GBE1: variants seen among roughly 807,000 people sequenced by gnomAD.
The protein encoded by GBE1 is 1,4-alpha-glucan branching enzyme 1.
GBE1 carries 70 observed loss-of-function variants against 88.8 expected under a neutral mutation model. The ratio of observed to expected loss-of-function variants is 0.79; its 90% CI spans 0.65 to 0.96. The LOEUF is 0.96. Ranked by LOEUF, GBE1 falls within the 40% of genes least tolerant of loss-of-function variation. The pLI, the probability that GBE1 is intolerant of heterozygous loss-of-function variation, is 0.00. For synonymous variants in GBE1, 284 were observed against 300.1 expected, an observed-to-expected ratio of 0.95 and a Z score of 0.56; for missense variants, 872 against 871.0, an observed-to-expected ratio of 1.00 and a Z score of -0.01.
chr3:81,492,121 G>A (rs1197293881), intron 15 of GBE1, among the ~76,000 whole-genome samples: 2 of 152,176 alleles, frequency 1.3e-5, no homozygotes, highest in Non-Finnish European at 2.9e-5. Context: ...CTCATGTTCT[G>A]TTTTGCAATA....
At chr3:81,543,443 T>C (rs1439963195) in intron 12 of GBE1, among the ~76,000 whole-genome samples, 1 of 151,976 alleles carries the variant, frequency 6.6e-6, no homozygotes, top group African/African-American at 2.4e-5. Context: ...AACACAAGCA[T>C]AAAATAAATG....
At chr3:81,669,605 T>C (rs1705160441) in intron 3 of GBE1, among the ~76,000 whole-genome samples, 1 of 151,602 alleles carries the variant, frequency 6.6e-6, no homozygotes, top group South Asian at 2.1e-4. Context: ...TTCAAAGAAT[T>C]GAGAGTATAC....
chr3:81,742,146 A>T (rs1341575399), intron 1 of GBE1, among the ~76,000 whole-genome samples: 3 of 152,012 alleles, frequency 2.0e-5, no homozygotes, highest in African/African-American at 7.2e-5. Context: ...GCCTCTACTT[A>T]AAATGCTATC....
At chr3:81,549,481 C>A (rs1703246746) in intron 12 of GBE1, among the ~76,000 whole-genome samples, 1 of 151,424 alleles carries the variant, frequency 6.6e-6, no homozygotes, top group Non-Finnish European at 1.5e-5. Flanking sequence ...ACTTTAAAGC[C>A]AATAAAAGCC....
intron 14 of GBE1, among the ~76,000 whole-genome samples, chr3:81,518,017 G>A (rs974730216): frequency 2.6e-5 from 4 of 151,208 alleles, no homozygotes; most frequent in African/African-American, 7.3e-5. Flanking sequence ...CATCCATCTC[G>A]AAGTTTACAA....
rs551297464 is a variant in GBE1, at chr3:81,600,730, A to T, written c.993-6707T>A. The stretch of plus-strand genomic sequence containing the variant: ...TACTATAATGTATATAAAGATGCAG[A>T]TATTTAGGATAATACTACAGAAGTT... On this transcript the variant is annotated intron_variant, in intron 7 of 15. Transcript: ENST00000429644. 2.0e-5 allele frequency among the ~76,000 whole-genome samples: 3 copies of T among 152,304 alleles called. No individual in the cohort carries two copies. The Middle Eastern group carries it at 0.01, about 518-fold the overall frequency.
chr3:81,729,139 C>CAAAATGGAATTCCACTAT (rs1483262284), intron 1 of GBE1, among the ~76,000 whole-genome samples: 20 of 152,222 alleles, frequency 1.3e-4, no homozygotes, highest in African/African-American at 4.8e-4. Context: ...AATGAACTTG[C>CAAAATGGAATTCCACTAT]AAAATGGAAT....
chr3:81,620,369 A>G (rs2107011638), intron 7 of GBE1, among the ~76,000 whole-genome samples: 1 of 151,978 alleles, frequency 6.6e-6, no homozygotes, highest in South Asian at 2.1e-4. Context: ...TTTTTAGTAG[A>G]GATGGGGTTT....
intron 14 of GBE1, among the ~76,000 whole-genome samples, chr3:81,507,574 A>G (rs898132191): frequency 1.9e-4 from 27 of 138,692 alleles, no homozygotes; most frequent in Non-Finnish European, 6.3e-5. Context: ...AAAAACAAAC[A>G]AACAAAAAAA....
At chr3:81,672,964 T>A (rs1414548378) in intron 2 of GBE1, among the ~76,000 whole-genome samples, 1 of 151,838 alleles carries the variant, frequency 6.6e-6, no homozygotes, top group African/African-American at 2.4e-5. Context: ...TAAATAAAGG[T>A]TCTTCTAAAC....
At chr3:81,725,338 T>C (rs557570635) in intron 1 of GBE1, among the ~76,000 whole-genome samples, 33 of 152,266 alleles carry the variant, frequency 2.2e-4, no homozygotes, top group African/African-American at 3.6e-4. Context: ...TCTTTCCTTA[T>C]ATCTTTTGGC....
intron 14 of GBE1, among the ~76,000 whole-genome samples, chr3:81,523,802 C>T (rs563157408): frequency 6.6e-6 from 1 of 151,722 alleles, no homozygotes; most frequent in Non-Finnish European, 1.5e-5. Context: ...CCTCCAGTTC[C>T]ATCCATATTG....
chr3:81,696,614 T>C (rs141660264), intron 2 of GBE1, among the ~76,000 whole-genome samples: 252 of 152,230 alleles, frequency 1.7e-3, no homozygotes, highest in African/African-American at 5.8e-3. Flanking sequence ...TGTAAGTAAA[T>C]GGCGAGCTTA....
At chr3:81,748,569 C>T (rs1167897919) in intron 1 of GBE1, among the ~76,000 whole-genome samples, 1 of 152,122 alleles carries the variant, frequency 6.6e-6, no homozygotes, top group East Asian at 1.9e-4. Context: ...CGAGACCGCG[C>T]CACTGCACTC....
intron 2 of GBE1, among the ~76,000 whole-genome samples, chr3:81,703,540 T>C (rs1030343930): frequency 6.6e-6 from 1 of 152,048 alleles, no homozygotes; most frequent in African/African-American, 2.4e-5. Flanking sequence ...TTTTATTTTA[T>C]CTTAAGTTAT....
intron 1 of GBE1, among the ~76,000 whole-genome samples, chr3:81,743,000 C>T (rs1706371620): frequency 6.6e-6 from 1 of 152,076 alleles, no homozygotes. Context: ...GACCAGACCC[C>T]TAGTCAATAC....
rs1706504240 is a variant in GBE1 at position 81,750,619 on chromosome 3, A to ATATATATATGTG, written c.143+10755_143+10756insCACATATATATA. Reference sequence around the variant, plus strand: ...TATATATGTGTATATATATATATGTATATATATATACGTATATATATATAT... The same window carrying ATATATATATGTG: ...TATATATGTGTATATATATATATGTATATATATATGTGTATATATATACGTATATATATATAT... On this transcript the variant is annotated intron_variant, in intron 1 of 15. Transcript: ENST00000429644. 9.0e-5 allele frequency among the ~76,000 whole-genome samples: 6 copies of ATATATATATGTG among 66,464 alleles called. 1 individual carries two copies. Among genetic ancestry groups the ATATATATATGTG allele is most frequent in the South Asian group, 7.8e-4 (2 of 2,572 alleles). 43.6% of individuals were successfully genotyped at this position (66,464 alleles called of 152,430 possible). A position where few individuals can be genotyped will look rare whatever the true frequency, so the allele number is the denominator to read the frequency against.
chr3:81,684,239 C>T (rs578078479), intron 2 of GBE1, among the ~76,000 whole-genome samples: 2 of 152,296 alleles, frequency 1.3e-5, no homozygotes, highest in Admixed American at 6.5e-5. Context: ...TGCTCTTACC[C>T]TCTATGACAC....
At chr3:81,730,957 A>C (rs540098665) in intron 1 of GBE1, among the ~76,000 whole-genome samples, 1 of 152,260 alleles carries the variant, frequency 6.6e-6, no homozygotes, top group Non-Finnish European at 1.5e-5. Flanking sequence ...GTAAGGTATA[A>C]CCGGTTTTAC....
Sources: allele counts gnomAD v4.1 joint callset (sites outside exome capture counted in the v4.1 genomes callset), GRCh38; gene constraint gnomAD v4.1.1; transcripts MANE v1.5; gene names NCBI Gene and HGNC (gene_info 2026-07-23, HGNC 2026-07-21).